ZAN: variants seen among roughly 807,000 people sequenced by gnomAD.
ZAN encodes the protein zonadhesin, also known as zonadhesin (gene/pseudogene).
ZAN carries 260 observed loss-of-function variants against 286.2 expected under a neutral mutation model. The ratio of observed to expected loss-of-function variants is 0.91; its 90% CI spans 0.82 to 1.01. ZAN has a LOEUF of 1.01. Among genes scored for constraint, ZAN ranks in the 50% least tolerant of loss-of-function variants. The pLI, the probability that ZAN is intolerant of heterozygous loss-of-function variation, is 0.00. For synonymous variants in ZAN, 1,368 were observed against 1,417.5 expected (o/e 0.97, Z 0.79); for missense variants, 3,410 against 3,639.2 (o/e 0.94, Z 1.62).
At chr7:100,781,361 C>T (rs967148378) in intron 35 of ZAN, among the ~76,000 whole-genome samples, 6 of 152,086 alleles carry the variant, frequency 3.9e-5, no homozygotes, top group African/African-American at 9.7e-5. Flanking sequence ...ACATCTCAAC[C>T]GGCCAAGAAA....
intron 28 of ZAN, 57 bp downstream of exon 28, chr7:100,770,031 G>A (rs767359784): frequency 5.2e-5 from 78 of 1,499,542 alleles, no homozygotes; most frequent in Non-Finnish European, 6.9e-5. Flanking sequence ...GGCTGGGGAG[G>A]GAGTCTAGTC....
Position 100,797,415 on chromosome 7 carries a change from C to T in ZAN, c.8316C>T (p.Val2772=), listed in dbSNP as rs574375825. 31 of 1,613,610 alleles carry T rather than the reference C, an allele frequency of 1.9e-5. No individual in the cohort carries two copies. The highest frequency in any genetic ancestry group is 6.7e-5 in the East Asian group (3 of 44,876). The change falls in exon 46 of 48, where the codon GTC becomes GTT. Residue 2772 remains valine, a synonymous_variant. Transcript: ENST00000613979. ...TGGGACTGCTGGTGCCTGTGGTGGT[C>T]GTACTACTGGCCGTGACCAGAGAGT... ...VLLGLLVPVV[V]VLLAVTRECI...
chr7:100,770,145 A>G (rs1465431992), intron 28 of ZAN, among the ~76,000 whole-genome samples, 171 bp downstream of exon 28: 1 of 151,794 alleles, frequency 6.6e-6, no homozygotes, highest in Non-Finnish European at 1.5e-5. Context: ...CCTATGACTG[A>G]TGGGTCTGTA....
In ZAN at chr7:100,769,966, A is replaced by G; in HGVS notation, c.5240A>G (p.Asn1747Ser). 6.4e-7 allele frequency: 1 copy of G among 1,562,650 alleles called. No homozygotes were observed. ...AACAAGAACTGTGCGATCTTAATAA[A>G]CCCTCAGGGTAAGACATGTCCCTGC... ...AWNKNCAILI[N>S]PQGPFSQCHQ... is the part of the protein sequence containing the mutation. The change falls in exon 28 of 48, where the codon AAC (asparagine) becomes AGC (serine). Residue 1747 changes from asparagine (N) to serine (S), a missense_variant. By Grantham distance (46) the Asn-to-Ser change is conservative (BLOSUM62 1). Coordinates refer to ENST00000613979, the MANE Select transcript of ZAN (RefSeq NM_003386.3).
intron 11 of ZAN, among the ~76,000 whole-genome samples, chr7:100,750,059 A>AACACACAACAC (rs1808538448): frequency 8.2e-6 from 1 of 122,208 alleles, no homozygotes; most frequent in Admixed American, 8.7e-5. Flanking sequence ...TCAAAAAAAC[A>AACACACAACAC]ACACACACAC....
intron 7 of ZAN, among the ~76,000 whole-genome samples, chr7:100,738,999 T>C (rs146876756): frequency 1.5e-4 from 8 of 52,316 alleles, no homozygotes; most frequent in Non-Finnish European, 3.2e-4. Flanking sequence ...CTCCTTCTCC[T>C]TCTCCTTCTT....
intron 27 of ZAN, among the ~76,000 whole-genome samples, chr7:100,769,408 G>A (rs1810225047): frequency 6.6e-6 from 1 of 151,766 alleles, no homozygotes; most frequent in African/African-American, 2.4e-5. Context: ...GTCCACTTTT[G>A]CTTCGGTTTG....
Position 100,755,465 on chromosome 7 carries a change from G to A in ZAN, c.3309+55G>A. On this transcript the variant is annotated intron_variant, in intron 15 of 47. Transcript: ENST00000613979. ...GAGGGAGATTGATGGCAGAACACCT[G>A]GGTTCCAGCTCCATCTGCTCCCCAT... The A allele has an allele frequency of 7.6e-6, 12 of 1,580,728 alleles. No homozygotes were observed. In the South Asian group the frequency reaches 1.2e-4, roughly 15 times the overall value.
At position 100,784,831 on chromosome 7, in the gene ZAN, C is replaced by T; in HGVS notation, c.6831C>T (p.Ile2277=). 6.3e-7 allele frequency: 1 copy of T among 1,591,136 alleles called. No homozygotes were observed. The highest frequency in any genetic ancestry group is 8.6e-7 in the Non-Finnish European group (1 of 1,166,090). Residue 2277 remains isoleucine (I), a synonymous_variant, in exon 36 of 48, where the codon ATC becomes ATT. Transcript: ENST00000613979. ...CGCKDAHGGS[I]PLGKSWVSSG... ...GCAAGGATGCCCATGGTGGCTCCAT[C>T]CCTGTGAGTGGGCATGGGAAATGGG...
intron 29 of ZAN, 22 bp downstream of exon 29, chr7:100,772,042 C>A: frequency 6.4e-7 from 1 of 1,572,174 alleles, no homozygotes. Context: ...GCCACCTGTT[C>A]CCACAGCCCA....
In ZAN at chr7:100,767,215, C is replaced by G. The variant is rs755725577; in HGVS notation, c.4818C>G (p.Val1606=). 1.2e-6 allele frequency: 2 copies of G among 1,612,996 alleles called. No individual in the cohort carries two copies. Among genetic ancestry groups the G allele is most frequent in the African/African-American group, 1.3e-5 (1 of 74,878 alleles). Residue 1606 remains valine, a synonymous_variant, in exon 25 of 48, where the codon GTC becomes GTG. Transcript: ENST00000613979. The stretch of plus-strand genomic sequence containing the variant: ...ACATCAAAGCCGTCCACGTGACAGT[C>G]TTTGACCTCAGCATCTCACTGCTCA... ...VSYIKAVHVT[V]FDLSISLLRG... is the part of the protein sequence containing the mutation.
intron 36 of ZAN, among the ~76,000 whole-genome samples, chr7:100,785,502 A>G (rs1258965984): frequency 2.0e-5 from 3 of 151,932 alleles, no homozygotes; most frequent in Non-Finnish European, 1.5e-5. Context: ...AAGTACTAAG[A>G]TTACAGGTGT....
Position 100,751,754 on chromosome 7 carries a change from C to T in ZAN, c.1649C>T (p.Ser550Phe). 6.2e-7 allele frequency: 1 copy of T among 1,600,558 alleles called. No individual in the cohort carries two copies. The highest frequency in any genetic ancestry group is 8.5e-7 in the Non-Finnish European group (1 of 1,176,768). ...PELPPVSPVS[S>F]TGPSETTGLT... is the part of the protein sequence containing the mutation. The stretch of plus-strand genomic sequence containing the variant: ...CTTCCTCCCGTATCTCCAGTTTCTT[C>T]CACTGGCCCTTCTGAAACCACTGGC... Residue 550 changes from serine to phenylalanine, a missense_variant, in exon 14 of 48, where the codon TCC (serine) becomes TTC (phenylalanine). Physicochemically the swap from Ser to Phe is radical, Grantham distance 155. Around this residue, in one of 7 missense-constraint regions of ZAN, gnomAD observed 872 missense variants for 938.9 expected, o/e 0.93. Transcript: ENST00000613979.
At chr7:100,785,223 CTTTT>C (rs5886135) in intron 36 of ZAN, among the ~76,000 whole-genome samples, 252 of 87,546 alleles carry the variant, frequency 2.9e-3, no homozygotes, top group African/African-American at 9.2e-3. Context: ...AACACAGTGC[CTTTT>C]TTTTTTTTTT....
At chr7:100,760,348 AC>A in intron 18 of ZAN, 42 bp from the exon 19 acceptor site, 1 of 1,600,662 alleles carries the variant, frequency 6.2e-7, no homozygotes, top group Non-Finnish European at 8.5e-7. Flanking sequence ...GTCCTCCTTG[AC>A]CCCCAGCTCT....
intron 36 of ZAN, 112 bp downstream of exon 36, chr7:100,784,946 G>C: frequency 8.0e-7 from 1 of 1,252,352 alleles, no homozygotes; most frequent in African/African-American, 1.5e-5. Context: ...CTGGCCCGGG[G>C]GTGTGAAGGC....
At chr7:100,791,776 G>A (rs1433806214) in intron 40 of ZAN, among the ~76,000 whole-genome samples, 190 bp from the exon 41 acceptor site, 1 of 152,024 alleles carries the variant, frequency 6.6e-6, no homozygotes, top group Non-Finnish European at 1.5e-5. Flanking sequence ...TACCCAGGCT[G>A]GAGTGCAGTG....
rs2115998352 is a variant in ZAN at position 100,763,666 on chromosome 7, G to T, written c.3987-140G>T. The T allele has an allele frequency of 2.8e-5, 23 of 815,722 alleles. No homozygotes were observed. The highest frequency in any genetic ancestry group is 4.7e-5 in the Non-Finnish European group (23 of 491,412). 50.5% of individuals were successfully genotyped at this position (815,722 alleles called of 1,614,324 possible). A position where few individuals can be genotyped will look rare whatever the true frequency, so the allele number is the denominator to read the frequency against. On this transcript the variant is annotated intron_variant, in intron 20 of 47. Transcript: ENST00000613979. The surrounding 1 kb of genome is among the most constrained non-coding windows in gnomAD (Gnocchi z 4.6). ...CACAGTGCCTGGCCAGGGCTCAGTG[G>T]TCAAACATCCTCTGGGAGGGGTTTC...
intron 35 of ZAN, among the ~76,000 whole-genome samples, chr7:100,783,366 C>A (rs1030325487): frequency 1.3e-5 from 2 of 151,966 alleles, no homozygotes; most frequent in Admixed American, 6.6e-5. Flanking sequence ...GAGTTCCTGG[C>A]TTTTCTGGTT....
Sources: gnomAD v4.1 joint callset for allele counts (sites outside exome capture counted in the v4.1 genomes callset) on GRCh38, gnomAD v4.1.1 for gene constraint, gnomAD v4.1.1 regional missense constraint, Gnocchi (gnomAD v3.1) non-coding constraint, MANE v1.5 for transcripts, NCBI Gene and HGNC (gene_info 2026-07-23, HGNC 2026-07-21) for gene names.